Variants in BZW2 observed in about 807,000 individuals in gnomAD.
The protein encoded by BZW2 is basic leucine zipper and W2 domains 2, also known as eIF5-mimic protein 1.
In BZW2, 23 loss-of-function variants were observed where a neutral mutation model predicts 53.2. The observed-to-expected ratio is 0.43, with a 90% CI of 0.31 to 0.61. The LOEUF (loss-of-function observed/expected upper bound fraction) is 0.61. Among genes scored for constraint, BZW2 ranks in the 20% least tolerant of loss-of-function variants. The pLI is 0.09. For missense variants in BZW2, 409 were observed against 503.1 expected (o/e 0.81, Z 1.79); for synonymous variants, 227 against 186.4 (o/e 1.22, Z -1.77).
At chr7:16,650,786 T>A in intron 1 of BZW2, among the ~76,000 whole-genome samples, 1 of 152,214 alleles carries the variant, frequency 6.6e-6, no homozygotes, top group Admixed American at 6.5e-5. Flanking sequence ...GCAAGTATCT[T>A]TTGGGCAGTT....
At chr7:16,681,467 T>G in intron 4 of BZW2, 63 bp downstream of exon 4, 116 of 1,308,846 alleles carry the variant, frequency 8.9e-5, no homozygotes, top group Non-Finnish European at 1.2e-4. Flanking sequence ...ATAGAAGCTC[T>G]ACAGTCCACC....
At chr7:16,695,961 T>A (rs706041) in intron 8 of BZW2, 3 of 152,048 alleles carry the variant, frequency 2.0e-5, no homozygotes, top group African/African-American at 4.8e-5. Context: ...TAAAAAGCCT[T>A]GTGATGCTTG....
chr7:16,664,331 CAA>C (rs1182678141), intron 1 of BZW2, among the ~76,000 whole-genome samples: 1 of 152,184 alleles, frequency 6.6e-6, no homozygotes, highest in African/African-American at 2.4e-5. Flanking sequence ...TAAAGAAAAA[CAA>C]AGCCAAGTAA....
At chr7:16,690,754 T>C (rs565774745) in intron 7 of BZW2, among the ~76,000 whole-genome samples, 155 of 152,376 alleles carry the variant, frequency 1.0e-3, no homozygotes, top group Non-Finnish European at 1.9e-3. Context: ...TTTCTCCATC[T>C]TTGTGTTTTT....
At chr7:16,687,271 GGAAATTATT>G (rs1174279322) in intron 6 of BZW2, 1 of 152,098 alleles carries the variant, frequency 6.6e-6, no homozygotes, top group African/African-American at 2.4e-5. Flanking sequence ...CTGTATGTCT[GGAAATTATT>G]GTAGTAAAAT....
At chr7:16,681,198 T>G in intron 3 of BZW2, 103 bp from the exon 4 acceptor site, 1 of 888,702 alleles carries the variant, frequency 1.1e-6, no homozygotes, top group South Asian at 1.6e-5. Flanking sequence ...AGATTTTACA[T>G]CTACTTTGAT....
chr7:16,658,502 C>G (rs1174581277), intron 1 of BZW2, among the ~76,000 whole-genome samples: 2 of 151,984 alleles, frequency 1.3e-5, no homozygotes, highest in South Asian at 4.2e-4. Context: ...TCTCATGGTG[C>G]CTTTATGTTT....
chr7:16,687,142 A>G (rs977553194), intron 6 of BZW2: 34 of 152,202 alleles, frequency 2.2e-4, no homozygotes, highest in African/African-American at 8.2e-4. Flanking sequence ...TTTGTAATAT[A>G]TCCAAAAATT....
rs139730703 is a variant in BZW2, at chr7:16,697,049, G to A, written c.957G>A (p.Leu319=). The A allele has an allele frequency of 3.7e-6, 6 of 1,613,932 alleles. No homozygotes were observed. Among genetic ancestry groups the A allele is most frequent in the Admixed American group, 1.7e-5 (1 of 59,990 alleles). The change falls in exon 9 of 12, where the codon CTG becomes CTA. Residue 319 remains leucine (L), a synonymous_variant. Transcript: ENST00000258761. ...KKEELVAEQA[L]KHLKQYAPLL... is the part of the protein sequence containing the mutation. ...AAGAACTTGTTGCAGAGCAGGCTCT[G>A]AAGCACCTGAAGGTAACAGCCCTTA...
intron 1 of BZW2, among the ~76,000 whole-genome samples, chr7:16,653,301 T>G (rs1215329580): frequency 6.6e-6 from 1 of 152,202 alleles, no homozygotes; most frequent in East Asian, 1.9e-4. Flanking sequence ...TTTCTGAAGA[T>G]TTTATTTTCC....
Position 16,694,993 on chromosome 7 carries a change from C to T in BZW2, c.811C>T (p.Pro271Ser). The T allele has an allele frequency of 6.3e-7, 1 of 1,576,990 alleles. No individual in the cohort carries two copies. The highest frequency in any genetic ancestry group is 8.7e-7 in the Non-Finnish European group (1 of 1,151,378). Residue 271 changes from proline (P) to serine (S), a missense_variant, in exon 8 of 12, where the codon CCG becomes TCG. This residue lies in a region of BZW2 where 316 missense variants were observed against 366.8 expected (regional missense o/e 0.86). Transcript: ENST00000258761. ...ELQERLSQEC[P>S]IKEVVLYVKE... ...CCAGGAGCGTCTTTCTCAGGAATGCCCGATCAAGGAGGTGGGAGACCACGG... is the reference window on the plus strand; with the variant it reads ...CCAGGAGCGTCTTTCTCAGGAATGCTCGATCAAGGAGGTGGGAGACCACGG...
In BZW2 at chr7:16,698,094, A is replaced by C. The variant is rs1783558850; in HGVS notation, c.1016A>C (p.Glu339Ala). ...LAVFSSQGQS[E>A]LILLQKVQEY... ...GTGTTCAGCTCCCAAGGCCAGTCAG[A>C]GCTGATCCTCCTCCAGAAGGTTCAG... is the stretch of plus-strand genomic sequence containing the variant. Residue 339 changes from glutamate (E) to alanine (A), a missense_variant, in exon 10 of 12, where the codon GAG (glutamate) becomes GCG (alanine). By Grantham distance (107) the Glu-to-Ala change is moderately radical. Coordinates refer to ENST00000258761, the MANE Select transcript of BZW2 (RefSeq NM_014038.3). The C allele has an allele frequency of 6.2e-7, 1 of 1,614,066 alleles. No individual in the cohort carries two copies. The highest frequency in any genetic ancestry group is 1.7e-5 in the Admixed American group (1 of 60,008).
In BZW2 at chr7:16,699,322, A is replaced by G. The variant is rs549832069; in HGVS notation, c.1108+1136A>G. Reference sequence around the variant, plus strand: ...GTGTCCTAAAACTAGGCCCCACCCAATGATACCCAAAGTGATCCACCCATC... The same window carrying G: ...GTGTCCTAAAACTAGGCCCCACCCAGTGATACCCAAAGTGATCCACCCATC... On this transcript the variant is annotated intron_variant, in intron 10 of 11. Coordinates refer to ENST00000258761, the MANE Select transcript of BZW2 (RefSeq NM_014038.3). Among the ~76,000 whole-genome samples the G allele has an allele frequency of 2.8e-4, 42 of 152,262 alleles. No homozygotes were observed. In the East Asian group the frequency reaches 5.0e-3, roughly 18 times the overall value.
chr7:16,698,132 G>A lies in BZW2; in HGVS notation c.1054G>A (p.Asp352Asn). ...LLQKVQEYCYDNIHFMKAFQK... is the reference protein window; with the variant it reads ...LLQKVQEYCYNNIHFMKAFQK... ...CCAGAAGGTTCAGGAATACTGCTAC[G>A]ACAACATCCATTTCATGAAAGCCTT... Residue 352 changes from aspartate to asparagine, a missense_variant, in exon 10 of 12, where the codon GAC becomes AAC. Coordinates refer to ENST00000258761, the MANE Select transcript of BZW2 (RefSeq NM_014038.3). The A allele has an allele frequency of 6.2e-7, 1 of 1,614,166 alleles. No homozygotes were observed. Among genetic ancestry groups the A allele is most frequent in the Non-Finnish European group, 8.5e-7 (1 of 1,180,030 alleles).
chr7:16,702,981 C>T (rs1020996372), intron 10 of BZW2, among the ~76,000 whole-genome samples: 15 of 152,194 alleles, frequency 9.9e-5, no homozygotes, highest in Non-Finnish European at 2.1e-4. Flanking sequence ...AGATAATTTA[C>T]AAGTTATATA....
intron 10 of BZW2, chr7:16,698,419 T>C (rs1213109984): frequency 1.6e-5 from 7 of 434,618 alleles, no homozygotes; most frequent in Non-Finnish European, 8.2e-6. Flanking sequence ...TTCTCATTGG[T>C]AGATGAACTG....
In BZW2 at chr7:16,653,112, G is replaced by A. The variant is rs534819334; in HGVS notation, c.-8+6824G>A. ...ACAGGCTTGGGCAGGTCCCCTTCTG[G>A]GAGGATGGGAGTTTCTTGGTTGAGA... On this transcript the variant is annotated intron_variant, in intron 1 of 11. Coordinates refer to ENST00000258761, the MANE Select transcript of BZW2 (RefSeq NM_014038.3). Among the ~76,000 whole-genome samples the A allele has an allele frequency of 3.3e-5, 5 of 151,948 alleles. No homozygotes were observed. In the East Asian group the frequency reaches 7.8e-4, roughly 24 times the overall value.
At position 16,692,858 on chromosome 7, in the gene BZW2, T is replaced by C. The variant is rs561041620; in HGVS notation, c.652-1976T>C. 2.6e-5 allele frequency among the ~76,000 whole-genome samples: 4 copies of C among 152,296 alleles called. No homozygotes were observed. The East Asian group carries it at 7.7e-4, about 29-fold the overall frequency. ...TGGTGGAAAGCCCTCTGTGATAAGA[T>C]GACATTGGTGTAAAGACTTGAGGGA... On this transcript the variant is annotated intron_variant, in intron 7 of 11. Transcript: ENST00000258761.
intron 2 of BZW2, among the ~76,000 whole-genome samples, chr7:16,669,082 C>T (rs922702692): frequency 6.6e-6 from 1 of 152,166 alleles, no homozygotes; most frequent in Non-Finnish European, 1.5e-5. Flanking sequence ...TCAGCATGAC[C>T]ATGTGCTCAG....
Sources: gnomAD v4.1 joint callset for allele counts (sites outside exome capture counted in the v4.1 genomes callset) on GRCh38, gnomAD v4.1.1 for gene constraint, gnomAD v4.1.1 regional missense constraint, MANE v1.5 for transcripts, NCBI Gene and HGNC (gene_info 2026-07-23, HGNC 2026-07-21) for gene names.